The following KPNA4 variants were observed in gnomAD, a reference collection of about 807,000 sequenced individuals.
KPNA4 encodes the protein importin subunit alpha-3.
KPNA4 carries 13 observed loss-of-function variants against 71.3 expected under a neutral mutation model. The ratio of observed to expected loss-of-function variants is 0.18; its 90% CI spans 0.12 to 0.29. The LOEUF (loss-of-function observed/expected upper bound fraction) is 0.29. Ranked by LOEUF, KPNA4 falls within the 10% of genes least tolerant of loss-of-function variation. The probability of loss-of-function intolerance (pLI) is 1.00; values close to 1 mark genes in which losing one functional copy is unlikely to be tolerated. For synonymous variants in KPNA4, 189 were observed against 195.2 expected, an observed-to-expected ratio of 0.97 and a Z score of 0.26; for missense variants, 334 against 603.2, an observed-to-expected ratio of 0.55 and a Z score of 4.67.
chr3:160,515,406 T>A, intron 12 of KPNA4, 46 bp downstream of exon 12: 1 of 1,483,552 alleles, frequency 6.7e-7, no homozygotes, highest in South Asian at 1.2e-5. Flanking sequence ...TAGAAACTGT[T>A]AACATTTTAA....
chr3:160,541,347 T>C (rs1038027797), intron 1 of KPNA4, among the ~76,000 whole-genome samples: 2 of 152,154 alleles, frequency 1.3e-5, no homozygotes, highest in Admixed American at 6.5e-5. Context: ...AAATTCTTTC[T>C]AAATAATACA....
intron 2 of KPNA4, 44 bp downstream of exon 2, chr3:160,536,752 T>C: frequency 1.7e-6 from 2 of 1,180,598 alleles, no homozygotes; most frequent in Non-Finnish European, 2.5e-6. Context: ...GCTATAATGT[T>C]GTTAGAATTA....
chr3:160,546,882 G>GT (rs1424085642), intron 1 of KPNA4, among the ~76,000 whole-genome samples: 1 of 152,086 alleles, frequency 6.6e-6, no homozygotes, highest in African/African-American at 2.4e-5. Context: ...CTGAGCCCTG[G>GT]TATCTACAAA....
chr3:160,505,275 G>C (rs1720961121), intron 15 of KPNA4, among the ~76,000 whole-genome samples: 1 of 152,054 alleles, frequency 6.6e-6, no homozygotes, highest in Non-Finnish European at 1.5e-5. Context: ...GCTTGTAAAT[G>C]TACAAATAAG....
At chr3:160,545,389 C>T (rs530173644) in intron 1 of KPNA4, among the ~76,000 whole-genome samples, 1 of 147,404 alleles carries the variant, frequency 6.8e-6, no homozygotes, top group South Asian at 2.2e-4. Flanking sequence ...AAGGAGAAAA[C>T]AGAACAAAAT....
chr3:160,540,636 T>C (rs1339373327), intron 1 of KPNA4, among the ~76,000 whole-genome samples: 1 of 152,224 alleles, frequency 6.6e-6, no homozygotes, highest in African/African-American at 2.4e-5. Flanking sequence ...TATATAAGAC[T>C]TCTAAGCCTG....
rs1720769287 is a variant in KPNA4, at chr3:160,496,607, A to C, written c.*5497T>G. On this transcript the variant is annotated 3_prime_UTR_variant, in exon 17 of 17. Transcript: ENST00000334256. ...GAAGAGTAATAGAAAAACCTAAGTG[A>C]AACAGGTTATTGGAATTTTCTTTAT... The C allele has an allele frequency of 6.6e-6, 1 of 152,232 alleles. No homozygotes were observed. The highest frequency in any genetic ancestry group is 1.5e-5 in the Non-Finnish European group (1 of 68,050). 9.4% of individuals were successfully genotyped at this position (152,232 alleles called of 1,614,324 possible). A position where few individuals can be genotyped will look rare whatever the true frequency, so the allele number is the denominator to read the frequency against.
chr3:160,540,709 A>G (rs1347924579), intron 1 of KPNA4, among the ~76,000 whole-genome samples: 1 of 152,218 alleles, frequency 6.6e-6, no homozygotes, highest in African/African-American at 2.4e-5. Flanking sequence ...CACATGACTT[A>G]CACTGATGCA....
chr3:160,557,987 T>A (rs1722174031), intron 1 of KPNA4, among the ~76,000 whole-genome samples: 1 of 152,228 alleles, frequency 6.6e-6, no homozygotes, highest in South Asian at 2.1e-4. Flanking sequence ...TGGGAAAGTT[T>A]AGCATCTTTA....
At chr3:160,541,170 A>C (rs1405282489) in intron 1 of KPNA4, among the ~76,000 whole-genome samples, 1 of 152,122 alleles carries the variant, frequency 6.6e-6, no homozygotes, top group African/African-American at 2.4e-5. Flanking sequence ...ATTCCTGCTA[A>C]TTTTCAAGTC....
chr3:160,555,115 T>C (rs532067726), intron 1 of KPNA4, among the ~76,000 whole-genome samples: 3 of 152,274 alleles, frequency 2.0e-5, no homozygotes, highest in African/African-American at 7.2e-5. Flanking sequence ...CAGAATTAAA[T>C]TGAATCAGTG....
At chr3:160,512,996 T>A (rs932211912) in intron 13 of KPNA4, among the ~76,000 whole-genome samples, 1 of 152,170 alleles carries the variant, frequency 6.6e-6, no homozygotes, top group African/African-American at 2.4e-5. Context: ...GAAAGATTAA[T>A]GGATAACTTT....
At chr3:160,509,676 C>T in intron 14 of KPNA4, 124 bp downstream of exon 14, 1 of 724,846 alleles carries the variant, frequency 1.4e-6, no homozygotes, top group Non-Finnish European at 2.4e-6. Context: ...GGGTGATCCT[C>T]CAGCCTTGGC....
At chr3:160,524,136 A>C (rs1404985248) in intron 10 of KPNA4, among the ~76,000 whole-genome samples, 1 of 152,232 alleles carries the variant, frequency 6.6e-6, no homozygotes, top group Non-Finnish European at 1.5e-5. Flanking sequence ...TAATCATGTT[A>C]CTAAAAAGAA....
intron 5 of KPNA4, among the ~76,000 whole-genome samples, chr3:160,532,972 C>T (rs1400565167): frequency 6.6e-6 from 1 of 152,162 alleles, no homozygotes; most frequent in Non-Finnish European, 1.5e-5. Context: ...TACATAACAC[C>T]ATCTTTGAAT....
intron 16 of KPNA4, among the ~76,000 whole-genome samples, chr3:160,504,265 T>C (rs1400339476): frequency 2.0e-5 from 3 of 152,158 alleles, no homozygotes; most frequent in Non-Finnish European, 2.9e-5. Context: ...CATTCTATTC[T>C]TTTTGATAAT....
chr3:160,521,905 C>A lies in KPNA4; in HGVS notation c.777G>T (p.Leu259=). 1 of 1,601,016 alleles carries A rather than the reference C, an allele frequency of 6.2e-7. No homozygotes were observed. The highest frequency in any genetic ancestry group is 2.2e-5 in the East Asian group (1 of 44,816). The stretch of plus-strand genomic sequence containing the variant: ...AAGAGAGGGCCCAGACTGTGTCTAC[C>A]AGTATCTAATGAATAAAATAAAAAT... ...VLIHHTDVNI[L]VDTVWALSYL... is the part of the protein sequence containing the mutation. The change falls in exon 11 of 17, where the codon CTG becomes CTT. Residue 259 remains leucine (L), a synonymous_variant. Coordinates refer to ENST00000334256, the MANE Select transcript of KPNA4 (RefSeq NM_002268.5).
At chr3:160,528,136 C>G (rs1433742464) in intron 7 of KPNA4, 97 bp from the exon 8 acceptor site, 1 of 757,954 alleles carries the variant, frequency 1.3e-6, no homozygotes, top group African/African-American at 1.8e-5. Context: ...AAAAGGGAAC[C>G]TATAAAAATA....
At chr3:160,512,460 T>C (rs113260234) in intron 13 of KPNA4, among the ~76,000 whole-genome samples, 14 of 152,314 alleles carry the variant, frequency 9.2e-5, no homozygotes, top group African/African-American at 2.4e-4. Flanking sequence ...TCAAGGTTAT[T>C]AGGGAACGAG....
Sources: gnomAD v4.1 joint callset for allele counts (sites outside exome capture counted in the v4.1 genomes callset) on GRCh38, gnomAD v4.1.1 for gene constraint, MANE v1.5 for transcripts, NCBI Gene and HGNC (gene_info 2026-07-23, HGNC 2026-07-21) for gene names.